AK5: variants seen among roughly 807,000 people sequenced by gnomAD.
The protein encoded by AK5 is adenylate kinase 5.
In AK5, 27 loss-of-function variants were observed where a neutral mutation model predicts 69.5. The ratio of observed to expected loss-of-function variants is 0.39; its 90% CI spans 0.29 to 0.54. AK5 has a LOEUF of 0.54. AK5 is among the 20% of genes least tolerant of loss of function. The probability of loss-of-function intolerance (pLI) is 0.71; values close to 1 mark genes in which losing one functional copy is unlikely to be tolerated. For synonymous variants in AK5, 260 were observed against 244.4 expected (o/e 1.06, Z -0.60); for missense variants, 531 against 700.4 (o/e 0.76, Z 2.73).
chr1:77,542,761 A>G (rs370721843), intron 13 of AK5, among the ~76,000 whole-genome samples: 76 of 152,322 alleles, frequency 5.0e-4, no homozygotes, highest in African/African-American at 1.8e-3. Context: ...AATGAACATT[A>G]TGATATATTT....
chr1:77,408,034 G>A (rs1397908213), intron 6 of AK5, among the ~76,000 whole-genome samples: 1 of 152,040 alleles, frequency 6.6e-6, no homozygotes. Context: ...GTCCACCATT[G>A]TTGGGGACCC....
Position 77,317,726 on chromosome 1 carries a change from A to T in AK5, c.699+19779A>T, listed in dbSNP as rs1057171580. On this transcript the variant is annotated intron_variant, in intron 5 of 13. Coordinates refer to ENST00000354567, the MANE Select transcript of AK5 (RefSeq NM_174858.3). ...CCACTGCCATTAGTTCACCCCTTTGATTGAAAACCTTTCATGACAATTATT... is the reference window on the plus strand; with the variant it reads ...CCACTGCCATTAGTTCACCCCTTTGTTTGAAAACCTTTCATGACAATTATT... 2.6e-5 allele frequency among the ~76,000 whole-genome samples: 4 copies of T among 152,146 alleles called. 1 individual carries two copies. The highest frequency in any genetic ancestry group is 5.9e-5 in the Non-Finnish European group (4 of 68,036).
intron 6 of AK5, among the ~76,000 whole-genome samples, chr1:77,370,467 A>AC (rs1453091602): frequency 6.6e-6 from 1 of 152,172 alleles, no homozygotes; most frequent in African/African-American, 2.4e-5. Flanking sequence ...TTGGATCACA[A>AC]TTTATTTTCC....
At chr1:77,492,999 G>C (rs1170192958) in intron 10 of AK5, among the ~76,000 whole-genome samples, 1 of 152,324 alleles carries the variant, frequency 6.6e-6, no homozygotes, top group East Asian at 1.9e-4. Flanking sequence ...GACTGGATTT[G>C]ATTGTGTTTC....
chr1:77,518,249 T>C (rs972773997), intron 10 of AK5, among the ~76,000 whole-genome samples: 23 of 152,202 alleles, frequency 1.5e-4, no homozygotes, highest in African/African-American at 5.3e-4. Flanking sequence ...TGTGCCCCGA[T>C]AGTAGGCTGT....
Position 77,530,968 on chromosome 1 carries a change from C to A in AK5, c.1429-4879C>A, listed in dbSNP as rs1003171851. Among the ~76,000 whole-genome samples, 8 of 152,130 alleles carry A rather than the reference C, an allele frequency of 5.3e-5. No individual in the cohort carries two copies. The South Asian group carries it at 1.5e-3, about 28-fold the overall frequency. On this transcript the variant is annotated intron_variant, in intron 12 of 13. Transcript: ENST00000354567. ...AGTCCACAATGCTCATGTCCTTGTG[C>A]TGGTGGGCTGCCCTCATGCCCTGAG...
chr1:77,498,821 G>A (rs1656519310), intron 10 of AK5, among the ~76,000 whole-genome samples: 1 of 152,178 alleles, frequency 6.6e-6, no homozygotes. Flanking sequence ...GAAGTTTAGA[G>A]GTTAAATTCC....
chr1:77,536,237 T>C (rs187807121), intron 13 of AK5, among the ~76,000 whole-genome samples, 199 bp downstream of exon 13: 21 of 152,232 alleles, frequency 1.4e-4, no homozygotes, highest in African/African-American at 3.9e-4. Flanking sequence ...AAGGCGGGTG[T>C]ATTGCTTGAG....
At chr1:77,438,667 G>A (rs1652121985) in intron 8 of AK5, among the ~76,000 whole-genome samples, 2 of 152,094 alleles carry the variant, frequency 1.3e-5, no homozygotes, top group African/African-American at 4.8e-5. Flanking sequence ...AGACCAAAAT[G>A]AAACCAAAAT....
At chr1:77,350,741 T>G (rs1479439247) in intron 6 of AK5, among the ~76,000 whole-genome samples, 5 of 152,222 alleles carry the variant, frequency 3.3e-5, no homozygotes, top group Admixed American at 6.5e-5. Flanking sequence ...TTTTCCCAGT[T>G]TAACCATTTT....
chr1:77,308,457 AAT>A (rs143531874), intron 5 of AK5, among the ~76,000 whole-genome samples: 18,007 of 51,534 alleles, frequency 0.35, 1,533 homozygotes, highest in Non-Finnish European at 0.45. Context: ...AAAAAAAAAA[AAT>A]CTTTTTCTCA....
intron 5 of AK5, among the ~76,000 whole-genome samples, chr1:77,315,975 C>G (rs1660222812): frequency 6.6e-6 from 1 of 152,124 alleles, no homozygotes. Context: ...AATTCAAACT[C>G]CTGTCGAAAG....
chr1:77,368,260 ATGTT>A (rs1370098156), intron 6 of AK5, among the ~76,000 whole-genome samples: 9 of 105,588 alleles, frequency 8.5e-5, no homozygotes, highest in East Asian at 3.3e-4. Flanking sequence ...TATAATATAT[ATGTT>A]ATATATATGT....
intron 13 of AK5, among the ~76,000 whole-genome samples, chr1:77,547,689 A>G (rs942980753): frequency 2.6e-5 from 4 of 152,218 alleles, no homozygotes; most frequent in African/African-American, 9.6e-5. Context: ...TACTGGAACT[A>G]TATTTATATT....
intron 10 of AK5, among the ~76,000 whole-genome samples, chr1:77,500,544 C>T (rs1384181168): frequency 6.6e-6 from 1 of 152,048 alleles, no homozygotes; most frequent in Non-Finnish European, 1.5e-5. Context: ...TTTAGGAGGC[C>T]GAGGCAGGCA....
intron 6 of AK5, among the ~76,000 whole-genome samples, chr1:77,382,147 T>C (rs1029784909): frequency 5.3e-5 from 8 of 152,094 alleles, no homozygotes; most frequent in Non-Finnish European, 1.2e-4. Context: ...AAAATGATAT[T>C]AAGTCCTTTC....
chr1:77,318,820 A>C (rs762816869), intron 5 of AK5, among the ~76,000 whole-genome samples: 7 of 151,560 alleles, frequency 4.6e-5, no homozygotes, highest in Non-Finnish European at 1.0e-4. Flanking sequence ...TCAGCAAATT[A>C]TGTTACAATT....
At chr1:77,518,441 A>C in intron 10 of AK5, 123 bp from the exon 11 acceptor site, 1 of 1,010,128 alleles carries the variant, frequency 9.9e-7, no homozygotes, top group Non-Finnish European at 1.5e-6. Flanking sequence ...TGGTATAGCA[A>C]ATCTCAAGTT....
At chr1:77,304,514 T>C (rs1840247) in intron 5 of AK5, among the ~76,000 whole-genome samples, 2,754 of 152,076 alleles carry the variant, frequency 0.018, 85 homozygotes, top group African/African-American at 0.062. Flanking sequence ...CAAGCAATTC[T>C]CCTGCCTCAG....
Sources: allele counts gnomAD v4.1 joint callset (sites outside exome capture counted in the v4.1 genomes callset), GRCh38; gene constraint gnomAD v4.1.1; transcripts MANE v1.5; gene names NCBI Gene and HGNC (gene_info 2026-07-23, HGNC 2026-07-21).